MGAT4C: variants seen among roughly 807,000 people sequenced by gnomAD.
The protein encoded by MGAT4C is MGAT4 family member C, also known as alpha-1,3-mannosyl-glycoprotein 4-beta-N-acetylglucosaminyltransferase C.
MGAT4C carries 19 observed loss-of-function variants against 40.1 expected under a neutral mutation model. The observed-to-expected ratio is 0.47, with a 90% CI of 0.33 to 0.70. MGAT4C has a LOEUF of 0.70. Among genes scored for constraint, MGAT4C ranks in the 30% least tolerant of loss-of-function variants. The pLI is 0.02. For synonymous variants in MGAT4C, 181 were observed against 187.1 expected (o/e 0.97, Z 0.27); for missense variants, 491 against 563.2 (o/e 0.87, Z 1.30).
rs562626759 is a variant in MGAT4C, at chr12:86,762,878, A to G, written c.-261-35637T>C. On this transcript the variant is annotated intron_variant, in intron 1 of 7. Transcript: ENST00000548651. ...CAATGCTCCATTCTGCCATTTTCAA[A>G]TGAAAAGCAAATACAAGAAACTCTA... Among the ~76,000 whole-genome samples, 14 of 152,328 alleles carry G rather than the reference A, an allele frequency of 9.2e-5. No individual in the cohort carries two copies. In the South Asian group the frequency reaches 2.5e-3, roughly 27 times the overall value.
chr12:86,408,400 A>C (rs1359428629), intron 3 of MGAT4C, among the ~76,000 whole-genome samples: 2 of 139,154 alleles, frequency 1.4e-5, no homozygotes, highest in East Asian at 2.1e-4. Flanking sequence ...ACGTAAAATA[A>C]ATTTCTTATC....
chr12:86,459,660 C>T, intron 2 of MGAT4C, among the ~76,000 whole-genome samples: 1 of 95,614 alleles, frequency 1.0e-5, no homozygotes, highest in South Asian at 4.4e-4. Context: ...GCCCCCCCAA[C>T]CTTCCCCGCC....
chr12:86,101,442 G>A (rs996272294), intron 1 of MGAT4C, among the ~76,000 whole-genome samples: 1 of 151,780 alleles, frequency 6.6e-6, no homozygotes, highest in Non-Finnish European at 1.5e-5. Flanking sequence ...GATGACTGGG[G>A]ATTTTTTAGA....
chr12:86,105,299 G>C (rs780363945), intron 1 of MGAT4C, among the ~76,000 whole-genome samples: 59 of 152,136 alleles, frequency 3.9e-4, no homozygotes, highest in Non-Finnish European at 7.2e-4. Context: ...TTGAATATCA[G>C]AGAATGTCTT....
rs1019707235 is a variant in MGAT4C at position 85,955,863 on chromosome 12, G to A, written c.*23426C>T. On this transcript the variant is annotated 3_prime_UTR_variant, in exon 5 of 5. Transcript: ENST00000611864. ...ATAACTATTTGTGCTAGCTAATGAA[G>A]AAACCTCTAGATAATCAGTTTTACA... is the stretch of plus-strand genomic sequence containing the variant. 2.0e-5 allele frequency: 3 copies of A among 152,086 alleles called. No individual in the cohort carries two copies. The highest frequency in any genetic ancestry group is 7.2e-5 in the African/African-American group (3 of 41,428). 9.4% of individuals were successfully genotyped at this position (152,086 alleles called of 1,614,324 possible).
At chr12:86,427,054 T>C (rs1209690144) in intron 3 of MGAT4C, among the ~76,000 whole-genome samples, 1 of 152,184 alleles carries the variant, frequency 6.6e-6, no homozygotes, top group Non-Finnish European at 1.5e-5. Flanking sequence ...CTTATTAATG[T>C]CAGCTAACTG....
intron 1 of MGAT4C, among the ~76,000 whole-genome samples, chr12:86,114,210 G>A (rs1276628539): frequency 6.6e-6 from 1 of 151,572 alleles, no homozygotes; most frequent in Non-Finnish European, 1.5e-5. Flanking sequence ...CTGGCCTCAC[G>A]TTCTGCTCTG....
Position 86,566,377 on chromosome 12 carries a change from C to T in MGAT4C, c.-228-131112G>A, listed in dbSNP as rs866630230. ...CTTGGACTGGCCTCCCAGCCTACAT[C>T]TTTCTCCCGTGGTGGATGCTCCCTG... On this transcript the variant is annotated intron_variant, in intron 2 of 7. Transcript: ENST00000548651. 1.5e-4 allele frequency among the ~76,000 whole-genome samples: 23 copies of T among 151,342 alleles called. No homozygotes were observed. In the Middle Eastern group the frequency reaches 0.01, roughly 68 times the overall value.
chr12:86,571,571 G>T (rs1960366306), intron 2 of MGAT4C, among the ~76,000 whole-genome samples: 2 of 151,926 alleles, frequency 1.3e-5, no homozygotes, highest in South Asian at 2.1e-4. Context: ...GAAATAAAGG[G>T]GATACTCTTT....
At chr12:86,541,820 T>A (rs984154798) in intron 2 of MGAT4C, among the ~76,000 whole-genome samples, 1 of 152,208 alleles carries the variant, frequency 6.6e-6, no homozygotes, top group Non-Finnish European at 1.5e-5. Context: ...AAGCTTCATG[T>A]CATCTTTAGC....
intron 1 of MGAT4C, among the ~76,000 whole-genome samples, chr12:86,823,183 A>G (rs991495126): frequency 1.3e-5 from 2 of 151,158 alleles, no homozygotes; most frequent in Admixed American, 6.6e-5. Context: ...GAAATAGATC[A>G]ACTAGATAAT....
intron 2 of MGAT4C, among the ~76,000 whole-genome samples, chr12:86,539,371 T>G (rs1284469577): frequency 1.3e-5 from 2 of 152,244 alleles, no homozygotes; most frequent in African/African-American, 4.8e-5. Context: ...TTTTTATGGC[T>G]ACATAGTATT....
intron 2 of MGAT4C, among the ~76,000 whole-genome samples, chr12:86,533,165 T>C (rs138816422): frequency 3.3e-5 from 5 of 152,186 alleles, no homozygotes; most frequent in African/African-American, 1.2e-4. Flanking sequence ...ACATTTTTTA[T>C]AGTAGAATAA....
chr12:86,538,580 TG>T (rs1959113785), intron 2 of MGAT4C, among the ~76,000 whole-genome samples: 1 of 151,172 alleles, frequency 6.6e-6, no homozygotes, highest in African/African-American at 2.4e-5. Flanking sequence ...ATTAACGTTA[TG>T]GTGTCTGTGC....
intron 2 of MGAT4C, among the ~76,000 whole-genome samples, chr12:86,625,852 C>T (rs1424903207): frequency 6.6e-6 from 1 of 151,824 alleles, no homozygotes; most frequent in East Asian, 1.9e-4. Context: ...AAATCAGAAA[C>T]ATATAAAATT....
At position 85,972,287 on chromosome 12, in the gene MGAT4C, TTTAA is replaced by T. The variant is rs574750183; in HGVS notation, c.*6998_*7001del. On this transcript the variant is annotated 3_prime_UTR_variant, in exon 5 of 5. Transcript: ENST00000611864. ...GAAGTTACAACTGCATTAATAGGAT[TTTAA>T]TTTTTATTCAAAATGGACAACTTAT... is the stretch of plus-strand genomic sequence containing the variant. 4.2e-4 allele frequency: 64 copies of T among 151,196 alleles called. No individual in the cohort carries two copies. The highest frequency in any genetic ancestry group is 8.3e-4 in the South Asian group (4 of 4,820). The allele number at this position is 151,196 out of a possible 1,614,324, so 9.4% of individuals were successfully genotyped here.
At chr12:86,330,474 G>T (rs761331332) in intron 4 of MGAT4C, among the ~76,000 whole-genome samples, 8 of 152,126 alleles carry the variant, frequency 5.3e-5, no homozygotes, top group African/African-American at 1.2e-4. Context: ...TGAGACCAAT[G>T]AGAAAAATAT....
At chr12:86,496,788 G>A (rs1172926333) in intron 2 of MGAT4C, among the ~76,000 whole-genome samples, 3 of 151,864 alleles carry the variant, frequency 2.0e-5, no homozygotes, top group Admixed American at 1.3e-4. Flanking sequence ...TTTATAAAAC[G>A]TTCATCACTA....
At chr12:86,249,642 T>G (rs573397011) in intron 1 of MGAT4C, among the ~76,000 whole-genome samples, 1 of 152,288 alleles carries the variant, frequency 6.6e-6, no homozygotes, top group African/African-American at 2.4e-5. Flanking sequence ...TAGAATCTGT[T>G]CTGATACCTT....
Sources: gnomAD v4.1 joint callset for allele counts (sites outside exome capture counted in the v4.1 genomes callset) on GRCh38, gnomAD v4.1.1 for gene constraint, MANE v1.5 for transcripts, NCBI Gene and HGNC (gene_info 2026-07-23, HGNC 2026-07-21) for gene names.